GRID1: variants seen among roughly 807,000 people sequenced by gnomAD.
The protein encoded by GRID1 is glutamate receptor ionotropic, delta-1.
Under a neutral mutation model 98.0 loss-of-function variants are expected in GRID1, and 28 were observed. The observed-to-expected ratio is 0.29, with a 90% CI of 0.21 to 0.39. The LOEUF is 0.39. GRID1 is among the 10% of genes least tolerant of loss of function. The probability of loss-of-function intolerance (pLI) is 1.00; values close to 1 mark genes in which losing one functional copy is unlikely to be tolerated. For synonymous variants in GRID1, 553 were observed against 538.5 expected, an observed-to-expected ratio of 1.03 and a Z score of -0.37; for missense variants, 1,111 against 1,340.5, an observed-to-expected ratio of 0.83 and a Z score of 2.67.
chr10:86,011,909 G>A (rs1337416886), intron 4 of GRID1, among the ~76,000 whole-genome samples: 1 of 152,208 alleles, frequency 6.6e-6, no homozygotes, highest in Non-Finnish European at 1.5e-5. Flanking sequence ...TATAATCACA[G>A]CACTTTGGGA....
intron 8 of GRID1, among the ~76,000 whole-genome samples, chr10:85,774,175 T>G (rs1168330599): frequency 2.0e-5 from 3 of 152,088 alleles, no homozygotes; most frequent in African/African-American, 7.2e-5. Context: ...ACGCCGCATA[T>G]CTACAACTAT....
At chr10:85,975,516 G>A (rs1437485055) in intron 4 of GRID1, among the ~76,000 whole-genome samples, 1 of 152,206 alleles carries the variant, frequency 6.6e-6, no homozygotes, top group Non-Finnish European at 1.5e-5. Context: ...AAAGCTATAA[G>A]ATGCTTGATG....
At chr10:85,986,435 G>T (rs1386112676) in intron 4 of GRID1, among the ~76,000 whole-genome samples, 1 of 152,218 alleles carries the variant, frequency 6.6e-6, no homozygotes, top group Non-Finnish European at 1.5e-5. Flanking sequence ...TGTGCATTCT[G>T]CTGGGGAAAT....
intron 5 of GRID1, among the ~76,000 whole-genome samples, chr10:85,915,173 C>G (rs1841595708): frequency 6.6e-6 from 1 of 152,066 alleles, no homozygotes; most frequent in South Asian, 2.1e-4. Flanking sequence ...GTACACTTAT[C>G]CCTACACGTA....
intron 4 of GRID1, among the ~76,000 whole-genome samples, chr10:86,126,148 G>A (rs1277130597): frequency 6.6e-6 from 1 of 152,198 alleles, no homozygotes; most frequent in East Asian, 1.9e-4. Context: ...GGTACCTTGA[G>A]GAGCCAAGGA....
chr10:85,610,822 C>A (rs1282404906), intron 15 of GRID1, among the ~76,000 whole-genome samples: 1 of 152,158 alleles, frequency 6.6e-6, no homozygotes, highest in Non-Finnish European at 1.5e-5. Context: ...AATTTGGAAA[C>A]CCATAAAAAT....
chr10:85,739,386 C>G (rs1841918589), intron 8 of GRID1, among the ~76,000 whole-genome samples: 1 of 151,840 alleles, frequency 6.6e-6, no homozygotes, highest in African/African-American at 2.4e-5. Flanking sequence ...TTGAGACCAA[C>G]CCAGGCAACA....
In GRID1 at chr10:85,856,259, G is replaced by A. The variant is rs188342553; in HGVS notation, c.952-69C>T. 7 of 1,379,806 alleles carry A rather than the reference G, an allele frequency of 5.1e-6. No individual in the cohort carries two copies. In the African/African-American group the frequency reaches 8.5e-5, roughly 17 times the overall value. The allele number at this position is 1,379,806 out of a possible 1,614,324, so 85.5% of individuals were successfully genotyped here. On this transcript the variant is annotated intron_variant, in intron 6 of 15. Coordinates refer to ENST00000327946, the MANE Select transcript of GRID1 (RefSeq NM_017551.3). ...CTAGAGAGCTTTGGAGAAACCCACA[G>A]AAAGGAGGAGGAATGCAGGATGCCA...
chr10:86,215,896 C>T (rs1470196593), intron 2 of GRID1, among the ~76,000 whole-genome samples: 4 of 152,094 alleles, frequency 2.6e-5, no homozygotes, highest in African/African-American at 4.8e-5. Context: ...TTGTGAGATC[C>T]TCCACCGCTC....
At chr10:86,325,665 CAA>C (rs1201095260) in intron 2 of GRID1, among the ~76,000 whole-genome samples, 1 of 152,178 alleles carries the variant, frequency 6.6e-6, no homozygotes, top group Non-Finnish European at 1.5e-5. Context: ...AAGAACATAA[CAA>C]GAGAAATTTC....
intron 4 of GRID1, among the ~76,000 whole-genome samples, chr10:86,022,584 C>T (rs555758441): frequency 6.6e-6 from 1 of 152,148 alleles, no homozygotes; most frequent in South Asian, 2.1e-4. Context: ...GAGAGGCTAG[C>T]TCAAGGCCAC....
intron 2 of GRID1, among the ~76,000 whole-genome samples, chr10:86,290,321 C>T (rs1339320834): frequency 6.6e-6 from 1 of 152,168 alleles, no homozygotes; most frequent in Non-Finnish European, 1.5e-5. Context: ...CGTTGGGGTG[C>T]TCCTGGGGAG....
chr10:85,998,281 G>C (rs970783181), intron 4 of GRID1, among the ~76,000 whole-genome samples: 1 of 152,074 alleles, frequency 6.6e-6, no homozygotes, highest in Admixed American at 6.5e-5. Flanking sequence ...TAAAATAAGT[G>C]AATCATATAA....
intron 4 of GRID1, among the ~76,000 whole-genome samples, chr10:85,964,478 A>G (rs537071991): frequency 6.6e-6 from 1 of 152,362 alleles, no homozygotes; most frequent in East Asian, 1.9e-4. Context: ...GGCCTCAGAA[A>G]TAATGTTACA....
intron 2 of GRID1, among the ~76,000 whole-genome samples, chr10:86,333,636 G>A (rs1331584640): frequency 6.6e-6 from 1 of 152,194 alleles, no homozygotes; most frequent in African/African-American, 2.4e-5. Context: ...ACTGTTGACC[G>A]GAAGCCTTAC....
At chr10:85,955,103 G>A (rs552289610) in intron 4 of GRID1, among the ~76,000 whole-genome samples, 111 of 152,204 alleles carry the variant, frequency 7.3e-4, no homozygotes, top group Non-Finnish European at 1.2e-3. Flanking sequence ...GAGAACCACC[G>A]GATTCCCCCT....
At chr10:85,841,506 C>T (rs1842961091) in intron 8 of GRID1, among the ~76,000 whole-genome samples, 1 of 152,066 alleles carries the variant, frequency 6.6e-6, no homozygotes, top group Non-Finnish European at 1.5e-5. Flanking sequence ...AACTAAAGAG[C>T]TCCTGCAAAG....
chr10:86,334,217 C>A (rs918714664), intron 2 of GRID1, among the ~76,000 whole-genome samples: 2 of 152,114 alleles, frequency 1.3e-5, no homozygotes, highest in African/African-American at 4.8e-5. Context: ...AGCACCTGCT[C>A]ACATATCAAT....
chr10:85,848,540 G>A (rs781149758), intron 8 of GRID1, among the ~76,000 whole-genome samples: 44 of 152,234 alleles, frequency 2.9e-4, no homozygotes, highest in African/African-American at 9.9e-4. Context: ...GATATAAAAT[G>A]TATTACAATA....
Sources: gnomAD v4.1 joint callset for allele counts (sites outside exome capture counted in the v4.1 genomes callset) on GRCh38, gnomAD v4.1.1 for gene constraint, MANE v1.5 for transcripts, NCBI Gene and HGNC (gene_info 2026-07-23, HGNC 2026-07-21) for gene names.